Variants in ANKRD55 observed in about 807,000 individuals in gnomAD.
ANKRD55 encodes the protein ankyrin repeat domain 55, also known as ankyrin repeat domain-containing protein 55.
Under a neutral mutation model 60.6 loss-of-function variants are expected in ANKRD55, and 41 were observed. The observed-to-expected ratio is 0.68, with a 90% CI of 0.53 to 0.88. ANKRD55 has a LOEUF of 0.88. Ranked by LOEUF, ANKRD55 falls within the 40% of genes least tolerant of loss-of-function variation. The pLI, the probability that ANKRD55 is intolerant of heterozygous loss-of-function variation, is 0.00. For synonymous variants in ANKRD55, 264 were observed against 290.3 expected, an observed-to-expected ratio of 0.91 and a Z score of 0.92; for missense variants, 732 against 767.6, an observed-to-expected ratio of 0.95 and a Z score of 0.55.
intron 2 of ANKRD55, among the ~76,000 whole-genome samples, chr5:56,202,720 C>T (rs1045930425): frequency 2.6e-5 from 4 of 152,140 alleles, no homozygotes; most frequent in African/African-American, 7.2e-5. Flanking sequence ...GAGTAAATAT[C>T]TGACTGCAAT....
chr5:56,147,440 T>C (rs1397579548), intron 6 of ANKRD55, among the ~76,000 whole-genome samples: 6 of 152,240 alleles, frequency 3.9e-5, no homozygotes, highest in Admixed American at 3.9e-4. Context: ...TAAGGATTGG[T>C]ACCCTATATT....
intron 3 of ANKRD55, among the ~76,000 whole-genome samples, chr5:56,177,163 T>G (rs557650199): frequency 6.6e-6 from 1 of 152,292 alleles, no homozygotes; most frequent in South Asian, 2.1e-4. Context: ...AATATTTGAA[T>G]TTGAACATTG....
At chr5:56,227,103 G>C (rs1561300122) in intron 2 of ANKRD55, among the ~76,000 whole-genome samples, 1 of 152,094 alleles carries the variant, frequency 6.6e-6, no homozygotes, top group Non-Finnish European at 1.5e-5. Context: ...GTCCATCGAT[G>C]ATAGACTGGA....
At chr5:56,215,884 C>T (rs556669797) in intron 2 of ANKRD55, among the ~76,000 whole-genome samples, 8 of 152,012 alleles carry the variant, frequency 5.3e-5, no homozygotes, top group Admixed American at 4.6e-4. Context: ...GGCTAGTATT[C>T]TTGGCCAGAT....
intron 2 of ANKRD55, among the ~76,000 whole-genome samples, chr5:56,189,985 T>G (rs1759055174): frequency 2.0e-5 from 3 of 152,226 alleles, no homozygotes; most frequent in Admixed American, 1.3e-4. Flanking sequence ...TAACACTTAT[T>G]ATTTGTTGTT....
intron 2 of ANKRD55, among the ~76,000 whole-genome samples, chr5:56,228,084 G>A (rs1047214021): frequency 6.6e-6 from 1 of 152,164 alleles, no homozygotes; most frequent in Non-Finnish European, 1.5e-5. Context: ...TTGAATGGTG[G>A]CCCTAAAGAC....
At chr5:56,176,100 CACCCTTCGCCT>C in intron 4 of ANKRD55, 41 bp downstream of exon 4, 1 of 1,606,034 alleles carries the variant, frequency 6.2e-7, no homozygotes, top group Non-Finnish European at 8.5e-7. Flanking sequence ...CCCATAATGA[CACCCTTCGCCT>C]ACCCTGCTCC....
intron 2 of ANKRD55, among the ~76,000 whole-genome samples, chr5:56,231,392 G>T (rs1192721122): frequency 6.6e-6 from 1 of 152,182 alleles, no homozygotes; most frequent in African/African-American, 2.4e-5. Flanking sequence ...ATTATGAAGA[G>T]CTAGTTCTTC....
intron 10 of ANKRD55, among the ~76,000 whole-genome samples, chr5:56,107,247 A>G (rs1486250853): frequency 6.6e-6 from 1 of 152,178 alleles, no homozygotes; most frequent in Non-Finnish European, 1.5e-5. Context: ...AATTTATCTT[A>G]TCATGACTCA....
intron 4 of ANKRD55, among the ~76,000 whole-genome samples, chr5:56,175,931 C>T (rs140894300): frequency 1.3e-5 from 2 of 152,328 alleles, no homozygotes; most frequent in African/African-American, 4.8e-5. Context: ...CATATCACCT[C>T]TATCTTAGAG....
In ANKRD55 at chr5:56,111,426, G is replaced by A. The variant is rs1384894683; in HGVS notation, c.1322C>T (p.Thr441Ile). Residue 441 changes from threonine to isoleucine, a missense_variant, in exon 10 of 12, where the codon ACC (threonine) becomes ATC (isoleucine). Thr to Ile is a moderately conservative substitution (Grantham distance 89). This residue lies in a region of ANKRD55 where 597 missense variants were observed against 607.5 expected (regional missense o/e 0.98). Coordinates refer to ENST00000341048, the MANE Select transcript of ANKRD55 (RefSeq NM_024669.3). ...GGCTGTTAGGAAGTTATTGCCCAGG[G>A]TGATGGGTGGGAGACTCTGCGTTCT... ...PIRTQSLPPI[T>I]LGNNFLTASH... 2 of 1,614,042 alleles carry A rather than the reference G, an allele frequency of 1.2e-6. No homozygotes were observed. Among genetic ancestry groups the A allele is most frequent in the South Asian group, 1.1e-5 (1 of 91,086 alleles).
At chr5:56,186,092 T>G (rs779059473) in intron 2 of ANKRD55, among the ~76,000 whole-genome samples, 11 of 152,204 alleles carry the variant, frequency 7.2e-5, no homozygotes, top group Non-Finnish European at 1.6e-4. Context: ...GCAGACAACC[T>G]CAGTATCAGC....
At chr5:56,173,317 C>T (rs1480821160) in intron 4 of ANKRD55, among the ~76,000 whole-genome samples, 1 of 152,090 alleles carries the variant, frequency 6.6e-6, no homozygotes, top group East Asian at 1.9e-4. Flanking sequence ...CCTGCCTCAG[C>T]TTCCCAAGTA....
At chr5:56,177,969 T>C (rs1447534816) in intron 3 of ANKRD55, among the ~76,000 whole-genome samples, 1 of 152,184 alleles carries the variant, frequency 6.6e-6, no homozygotes, top group East Asian at 1.9e-4. Flanking sequence ...ATCCTTCATT[T>C]TTCTCTAGTA....
chr5:56,188,687 T>C (rs570345018), intron 2 of ANKRD55, among the ~76,000 whole-genome samples: 1 of 152,242 alleles, frequency 6.6e-6, no homozygotes, highest in Non-Finnish European at 1.5e-5. Context: ...TGGCTGTTTT[T>C]ATGCCAGTAT....
intron 5 of ANKRD55, among the ~76,000 whole-genome samples, chr5:56,162,925 G>C (rs569036430): frequency 6.6e-6 from 1 of 151,948 alleles, no homozygotes; most frequent in Non-Finnish European, 1.5e-5. Flanking sequence ...ATCCTCAGCC[G>C]CCCGAAGTGC....
chr5:56,170,583 A>AT, intron 5 of ANKRD55, 111 bp downstream of exon 5: 3 of 822,098 alleles, frequency 3.6e-6, no homozygotes, highest in Non-Finnish European at 5.8e-6. Context: ...AAAAAAAAAA[A>AT]GATGGTTTTC....
chr5:56,224,634 A>C (rs1342815863), intron 2 of ANKRD55, among the ~76,000 whole-genome samples: 3 of 152,236 alleles, frequency 2.0e-5, no homozygotes, highest in Admixed American at 2.0e-4. Flanking sequence ...GATGCAATAA[A>C]AAATGATAAA....
At chr5:56,206,571 G>A (rs1759514543) in intron 2 of ANKRD55, among the ~76,000 whole-genome samples, 1 of 152,166 alleles carries the variant, frequency 6.6e-6, no homozygotes, top group Non-Finnish European at 1.5e-5. Context: ...AAGTGTTAGT[G>A]GTAGGTGAGC....
Sources: allele counts gnomAD v4.1 joint callset (sites outside exome capture counted in the v4.1 genomes callset), GRCh38; gene constraint gnomAD v4.1.1; regional missense constraint gnomAD v4.1.1; transcripts MANE v1.5; gene names NCBI Gene and HGNC (gene_info 2026-07-23, HGNC 2026-07-21).